Variants in PAPPA2 observed in about 807,000 individuals in gnomAD.
PAPPA2 encodes the protein pappalysin 2.
A neutral mutation model predicts 176.4 loss-of-function variants in PAPPA2; 86 were observed. The ratio of observed to expected loss-of-function variants is 0.49; its 90% CI spans 0.41 to 0.58. The LOEUF (loss-of-function observed/expected upper bound fraction) is 0.58, where lower values mean the gene tolerates loss of function less well. PAPPA2 is among the 20% of genes least tolerant of loss of function. The pLI is 0.00. For synonymous variants in PAPPA2, 809 were observed against 852.2 expected (o/e 0.95, Z 0.88); for missense variants, 2,073 against 2,256.9 (o/e 0.92, Z 1.65).
chr1:176,597,110 C>A (rs1654026906), intron 3 of PAPPA2, among the ~76,000 whole-genome samples: 1 of 152,098 alleles, frequency 6.6e-6, no homozygotes, highest in Non-Finnish European at 1.5e-5. Context: ...GCCTGTACTT[C>A]AAGCATGTGG....
intron 12 of PAPPA2, among the ~76,000 whole-genome samples, chr1:176,719,513 T>A (rs1398184114): frequency 6.6e-6 from 1 of 152,202 alleles, no homozygotes; most frequent in Non-Finnish European, 1.5e-5. Context: ...TCCTTTGCAC[T>A]TTCAATGTTA....
At chr1:176,674,408 C>T (rs1422746575) in intron 4 of PAPPA2, among the ~76,000 whole-genome samples, 1 of 152,054 alleles carries the variant, frequency 6.6e-6, no homozygotes, top group Non-Finnish European at 1.5e-5. Context: ...ATCCCTTGCC[C>T]TGCTCCCACA....
At chr1:176,667,148 A>G (rs1469845590) in intron 3 of PAPPA2, among the ~76,000 whole-genome samples, 2 of 152,048 alleles carry the variant, frequency 1.3e-5, no homozygotes, top group African/African-American at 4.8e-5. Flanking sequence ...AGGAAGGCTG[A>G]GGCAGGAGAA....
At chr1:176,591,041 G>T (rs151046683) in intron 2 of PAPPA2, among the ~76,000 whole-genome samples, 8 of 151,708 alleles carry the variant, frequency 5.3e-5, no homozygotes, top group Middle Eastern at 6.8e-3. Context: ...ATAAATGGGA[G>T]ATAACATTAC....
At chr1:176,652,388 C>A (rs28776015) in intron 3 of PAPPA2, among the ~76,000 whole-genome samples, 37,799 of 151,444 alleles carry the variant, frequency 0.25, 4,846 homozygotes, top group South Asian at 0.33. Context: ...GCCTCCTTTT[C>A]AACACTAAAT....
chr1:176,701,506 TTGGAAATTTAA>T (rs2102821308), intron 8 of PAPPA2, among the ~76,000 whole-genome samples: 1 of 152,304 alleles, frequency 6.6e-6, no homozygotes, highest in South Asian at 2.1e-4. Flanking sequence ...GGTAACTAAT[TTGGAAATTTAA>T]AAGACTTTAA....
intron 13 of PAPPA2, 46 bp downstream of exon 13, chr1:176,739,807 G>A (rs1285611892): frequency 1.9e-6 from 3 of 1,604,458 alleles, no homozygotes; most frequent in Non-Finnish European, 2.6e-6. Context: ...GGACAACCCG[G>A]TAGACCCAGA....
chr1:176,580,381 A>T (rs932668929), intron 2 of PAPPA2, among the ~76,000 whole-genome samples: 1 of 152,196 alleles, frequency 6.6e-6, no homozygotes, highest in Non-Finnish European at 1.5e-5. Flanking sequence ...TTGTGTTTAT[A>T]TACTGCATCT....
chr1:176,566,114 G>T (rs538921215), intron 2 of PAPPA2, among the ~76,000 whole-genome samples: 98 of 152,318 alleles, frequency 6.4e-4, no homozygotes, highest in African/African-American at 2.2e-3. Context: ...GAGAAGGGAA[G>T]ATGAAGCTCA....
intron 1 of PAPPA2, among the ~76,000 whole-genome samples, chr1:176,517,616 T>G (rs577582914): frequency 6.6e-6 from 1 of 152,164 alleles, no homozygotes; most frequent in African/African-American, 2.4e-5. Context: ...ACTGATGCAA[T>G]TAAAAACAGG....
chr1:176,540,791 A>T (rs1650321333), intron 1 of PAPPA2, among the ~76,000 whole-genome samples: 1 of 151,588 alleles, frequency 6.6e-6, no homozygotes, highest in Non-Finnish European at 1.5e-5. Context: ...GAGCTCCAAC[A>T]CCCCCCAGCA....
chr1:176,639,767 T>C (rs1024658085), intron 3 of PAPPA2, among the ~76,000 whole-genome samples: 2 of 151,334 alleles, frequency 1.3e-5, no homozygotes, highest in African/African-American at 4.9e-5. Flanking sequence ...CAGGCTGGAG[T>C]GCAATGGCGA....
chr1:176,839,490 T>G (rs928457766), intron 21 of PAPPA2, among the ~76,000 whole-genome samples: 19 of 152,096 alleles, frequency 1.2e-4, no homozygotes, highest in African/African-American at 4.3e-4. Context: ...CTAGTTTCTG[T>G]GCATGAGTTG....
chr1:176,712,837 G>T (rs532574491), intron 12 of PAPPA2, among the ~76,000 whole-genome samples: 1 of 152,020 alleles, frequency 6.6e-6, no homozygotes, highest in African/African-American at 2.4e-5. Flanking sequence ...ATCAACATTT[G>T]GTCTTTTAAG....
chr1:176,739,499 T>G (rs1370015518), intron 12 of PAPPA2, 127 bp from the exon 13 acceptor site: 1 of 998,596 alleles, frequency 1.0e-6, no homozygotes, highest in African/African-American at 1.6e-5. Context: ...TTTTTAGCAT[T>G]TATAAAAAAA....
intron 2 of PAPPA2, among the ~76,000 whole-genome samples, chr1:176,559,246 T>C (rs1288258797): frequency 6.6e-6 from 1 of 152,236 alleles, no homozygotes; most frequent in Non-Finnish European, 1.5e-5. Context: ...TTCTGAATTT[T>C]CCTTCTCTTC....
chr1:176,805,981 C>A (rs1665886129), intron 21 of PAPPA2, among the ~76,000 whole-genome samples: 1 of 108,610 alleles, frequency 9.2e-6, no homozygotes, highest in African/African-American at 4.0e-5. Flanking sequence ...GAGCAAAACC[C>A]TGTCTCTCTC....
At chr1:176,793,858 C>T (rs547637617) in intron 20 of PAPPA2, among the ~76,000 whole-genome samples, 189 bp downstream of exon 20, 1 of 152,142 alleles carries the variant, frequency 6.6e-6, no homozygotes, top group East Asian at 1.9e-4. Flanking sequence ...CAAAGATATC[C>T]GCCGAGGTGG....
chr1:176,466,469 A>T (rs1283262865), intron 1 of PAPPA2, among the ~76,000 whole-genome samples: 2 of 152,194 alleles, frequency 1.3e-5, no homozygotes, highest in African/African-American at 2.4e-5. Flanking sequence ...GTAAGTTATC[A>T]TATTAAATAT....
Sources: gnomAD v4.1 joint callset for allele counts (sites outside exome capture counted in the v4.1 genomes callset) on GRCh38, gnomAD v4.1.1 for gene constraint, MANE v1.5 for transcripts, NCBI Gene and HGNC (gene_info 2026-07-23, HGNC 2026-07-21) for gene names.